GRID2: variants seen among roughly 807,000 people sequenced by gnomAD.
GRID2 encodes glutamate receptor ionotropic, delta-2.
In GRID2, 33 loss-of-function variants were observed where a neutral mutation model predicts 114.8. The observed-to-expected ratio is 0.29, with a 90% CI of 0.22 to 0.38. The LOEUF (loss-of-function observed/expected upper bound fraction) is 0.38. GRID2 is among the 10% of genes least tolerant of loss of function. GRID2 has a pLI of 1.00. For synonymous variants in GRID2, 505 were observed against 449.9 expected, an observed-to-expected ratio of 1.12 and a Z score of -1.55; for missense variants, 1,184 against 1,257.7, an observed-to-expected ratio of 0.94 and a Z score of 0.89.
intron 3 of GRID2, among the ~76,000 whole-genome samples, chr4:93,092,147 A>G (rs1177758332): frequency 6.6e-6 from 1 of 152,086 alleles, no homozygotes; most frequent in Admixed American, 6.6e-5. Flanking sequence ...TCAACACTCA[A>G]CAACACTGGA....
intron 8 of GRID2, among the ~76,000 whole-genome samples, chr4:93,350,537 A>G (rs192900643): frequency 2.6e-5 from 4 of 152,218 alleles, no homozygotes; most frequent in African/African-American, 9.6e-5. Flanking sequence ...GGGAATCAGC[A>G]AAAAGCTTGA....
chr4:92,713,563 T>C, intron 2 of GRID2, among the ~76,000 whole-genome samples: 1 of 146,140 alleles, frequency 6.8e-6, no homozygotes, highest in Non-Finnish European at 1.5e-5. Context: ...TGGATTAGTC[T>C]GTTTTCATGC....
At chr4:92,586,216 C>T (rs553871668) in intron 1 of GRID2, among the ~76,000 whole-genome samples, 3 of 151,864 alleles carry the variant, frequency 2.0e-5, no homozygotes, top group Non-Finnish European at 2.9e-5. Flanking sequence ...GAAAAATCTT[C>T]GAATGTTTGG....
intron 13 of GRID2, among the ~76,000 whole-genome samples, chr4:93,602,748 T>C (rs997634189): frequency 6.6e-6 from 1 of 152,196 alleles, no homozygotes; most frequent in African/African-American, 2.4e-5. Context: ...TACAATGGTC[T>C]CTAAGTGTTC....
intron 2 of GRID2, among the ~76,000 whole-genome samples, chr4:92,772,246 G>C (rs1480497695): frequency 6.6e-6 from 1 of 152,142 alleles, no homozygotes; most frequent in Non-Finnish European, 1.5e-5. Context: ...AAGGCACACA[G>C]AAGGAAAGTG....
intron 2 of GRID2, among the ~76,000 whole-genome samples, chr4:92,838,197 G>T (rs1168842620): frequency 6.6e-6 from 1 of 151,970 alleles, no homozygotes; most frequent in Non-Finnish European, 1.5e-5. Flanking sequence ...TTATTTTTCT[G>T]TTAGATACAC....
intron 9 of GRID2, among the ~76,000 whole-genome samples, chr4:93,396,681 A>G (rs2149331603): frequency 6.6e-6 from 1 of 152,148 alleles, no homozygotes; most frequent in African/African-American, 2.4e-5. Context: ...ATCTGTTACA[A>G]TTTCATTTAC....
Position 92,428,514 on chromosome 4 carries a change from A to G in GRID2, c.88+123770A>G, listed in dbSNP as rs559334721. Among the ~76,000 whole-genome samples the G allele has an allele frequency of 1.7e-3, 260 of 152,204 alleles. 1 individual carries two copies. Among genetic ancestry groups the G allele is most frequent in the African/African-American group, 6.1e-3 (253 of 41,542 alleles). The stretch of plus-strand genomic sequence containing the variant: ...TATTTTTTCCTTGTGGACAATTGGT[A>G]TATTCCCGTATATTCTTTCCCTGTG... On this transcript the variant is annotated intron_variant, in intron 1 of 15. Coordinates refer to ENST00000282020, the MANE Select transcript of GRID2 (RefSeq NM_001510.4).
intron 13 of GRID2, among the ~76,000 whole-genome samples, chr4:93,563,866 T>C (rs1259256407): frequency 6.6e-6 from 1 of 152,024 alleles, no homozygotes; most frequent in Non-Finnish European, 1.5e-5. Context: ...TTTATTGTAG[T>C]GTTTCTTATG....
At chr4:93,228,683 G>T (rs1471076838) in intron 7 of GRID2, among the ~76,000 whole-genome samples, 3 of 152,242 alleles carry the variant, frequency 2.0e-5, no homozygotes, top group Non-Finnish European at 2.9e-5. Flanking sequence ...GTAGAGAGCT[G>T]GCAGGTATAA....
At chr4:92,874,111 A>G (rs993810925) in intron 2 of GRID2, among the ~76,000 whole-genome samples, 11 of 152,088 alleles carry the variant, frequency 7.2e-5, no homozygotes, top group Non-Finnish European at 1.5e-4. Flanking sequence ...TGATAAAGGG[A>G]CCCTTCTCAC....
chr4:92,777,416 CCA>C (rs1738863806), intron 2 of GRID2, among the ~76,000 whole-genome samples: 1 of 152,010 alleles, frequency 6.6e-6, no homozygotes, highest in Non-Finnish European at 1.5e-5. Flanking sequence ...CAGTCCAAAT[CCA>C]CTTAAAAATT....
At chr4:92,877,372 C>G (rs532604017) in intron 2 of GRID2, among the ~76,000 whole-genome samples, 8 of 152,182 alleles carry the variant, frequency 5.3e-5, no homozygotes, top group Non-Finnish European at 7.3e-5. Context: ...AGACAGAAAA[C>G]TCTCAGTAAT....
chr4:92,992,909 AT>A (rs573497743), intron 2 of GRID2, among the ~76,000 whole-genome samples: 3 of 151,688 alleles, frequency 2.0e-5, no homozygotes, highest in Non-Finnish European at 4.4e-5. Context: ...GAAATCTGTA[AT>A]TTTTCCCAGA....
intron 2 of GRID2, among the ~76,000 whole-genome samples, chr4:92,998,843 T>C (rs1426304407): frequency 6.6e-6 from 1 of 151,912 alleles, no homozygotes; most frequent in African/African-American, 2.4e-5. Flanking sequence ...ATTATTTAAC[T>C]AATATTCACA....
At chr4:93,471,396 A>C (rs2149434692) in intron 11 of GRID2, among the ~76,000 whole-genome samples, 1 of 152,216 alleles carries the variant, frequency 6.6e-6, no homozygotes, top group Non-Finnish European at 1.5e-5. Flanking sequence ...TTTATCCCTC[A>C]GTTTTTAGTT....
chr4:93,199,524 T>C (rs1741858281), intron 4 of GRID2, among the ~76,000 whole-genome samples: 1 of 152,244 alleles, frequency 6.6e-6, no homozygotes, highest in South Asian at 2.1e-4. Flanking sequence ...ATCTAGCATA[T>C]CCGTTTATGA....
At chr4:93,145,867 C>CAT (rs764969093) in intron 4 of GRID2, among the ~76,000 whole-genome samples, 13 of 31,026 alleles carry the variant, frequency 4.2e-4, no homozygotes, top group African/African-American at 2.5e-3. Flanking sequence ...CACACACATA[C>CAT]ACACACACAC....
intron 1 of GRID2, among the ~76,000 whole-genome samples, chr4:92,423,678 C>G (rs1339108852): frequency 1.3e-5 from 2 of 152,048 alleles, no homozygotes; most frequent in Non-Finnish European, 2.9e-5. Flanking sequence ...TCCTTCACAA[C>G]AGATTTGAGC....
Sources: allele counts gnomAD v4.1 joint callset (sites outside exome capture counted in the v4.1 genomes callset), GRCh38; gene constraint gnomAD v4.1.1; transcripts MANE v1.5; gene names NCBI Gene and HGNC (gene_info 2026-07-23, HGNC 2026-07-21).